Variants in CBLN2 observed in about 807,000 individuals in gnomAD.
The protein encoded by CBLN2 is cerebellin-2.
CBLN2 carries 7 observed loss-of-function variants against 15.0 expected under a neutral mutation model. That is an observed-to-expected ratio of 0.47 (90% CI 0.27 to 0.88). The LOEUF is 0.88. Ranked by LOEUF, CBLN2 falls within the 40% of genes least tolerant of loss-of-function variation. CBLN2 has a pLI of 0.14. For missense variants in CBLN2, 242 were observed against 304.5 expected (o/e 0.79, Z 1.53); for synonymous variants, 149 against 135.2 (o/e 1.10, Z -0.71).
chr18:72,586,947 G>GAT (rs751957062), intron 1 of CBLN2, among the ~76,000 whole-genome samples: 1,956 of 150,486 alleles, frequency 0.013, 17 homozygotes, highest in East Asian at 0.02. Context: ...CTATAACTAT[G>GAT]ATATATATAT....
At chr18:72,548,757 G>A (rs377706254), upstream of CBLN2, among the ~76,000 whole-genome samples, 12 of 152,282 alleles carry the variant, frequency 7.9e-5, no homozygotes, top group African/African-American at 2.9e-4. Context: ...CCTTGTGCAC[G>A]CAGCATCTGT....
chr18:72,601,530 AG>A (rs2069548254), intron 1 of CBLN2, among the ~76,000 whole-genome samples: 2 of 152,260 alleles, frequency 1.3e-5, no homozygotes, highest in South Asian at 4.1e-4. Context: ...AAAGGAGTGG[AG>A]GCGCCTGTTA....
At chr18:72,539,932 T>C (rs1382603993) in intron 3 of CBLN2, 2 of 152,370 alleles carry the variant, frequency 1.3e-5, no homozygotes, top group Non-Finnish European at 2.9e-5. Context: ...ACACTCATTA[T>C]AGATGAATAA....
intron 1 of CBLN2, among the ~76,000 whole-genome samples, chr18:72,624,497 A>C (rs1320773039): frequency 1.3e-5 from 2 of 152,066 alleles, no homozygotes; most frequent in African/African-American, 4.8e-5. Flanking sequence ...AAAATTATCT[A>C]GGGGTGGTGG....
intron 1 of CBLN2, among the ~76,000 whole-genome samples, chr18:72,621,760 G>T (rs779338653): frequency 1.3e-5 from 2 of 152,168 alleles, no homozygotes; most frequent in African/African-American, 2.4e-5. Context: ...CTGTATCAGA[G>T]CCCTGCAAAA....
At chr18:72,573,703 T>C (rs536481603) in intron 1 of CBLN2, among the ~76,000 whole-genome samples, 3 of 152,214 alleles carry the variant, frequency 2.0e-5, no homozygotes, top group Non-Finnish European at 4.4e-5. Context: ...TACGGAAATA[T>C]CTTGGTTACC....
At chr18:72,576,277 T>C (rs898116490) in intron 1 of CBLN2, among the ~76,000 whole-genome samples, 4 of 152,180 alleles carry the variant, frequency 2.6e-5, no homozygotes, top group African/African-American at 4.8e-5. Context: ...AGAAGAGTTA[T>C]GAAGTAAGCA....
Position 72,600,427 on chromosome 18 carries a change from A to C in CBLN2, c.15+37898T>G, listed in dbSNP as rs141176572. Among the ~76,000 whole-genome samples, 191 of 152,328 alleles carry C rather than the reference A, an allele frequency of 1.3e-3. 2 individuals are homozygous for C. Among genetic ancestry groups the C allele is most frequent in the Admixed American group, 0.011 (162 of 15,302 alleles). On this transcript the variant is annotated intron_variant, in intron 1 of 2. Transcript: ENST00000581073. ...AGCTCTGCAAGGCACAGGAATAAAC[A>C]CTACGGGAATTTGGGTGTGAAAGAA...
intron 1 of CBLN2, among the ~76,000 whole-genome samples, chr18:72,609,897 C>T (rs1282128563): frequency 2.0e-5 from 3 of 152,186 alleles, no homozygotes; most frequent in Non-Finnish European, 4.4e-5. Flanking sequence ...CTGCTTTGCT[C>T]ACAGCTGTCA....
At chr18:72,618,460 T>C in intron 1 of CBLN2, 2 of 658,882 alleles carry the variant, frequency 3.0e-6, no homozygotes, top group Non-Finnish European at 2.9e-6. Context: ...TGCACCACTG[T>C]GGAGGAGGTG....
At chr18:72,577,896 T>C (rs2069378477) in intron 1 of CBLN2, among the ~76,000 whole-genome samples, 2 of 152,150 alleles carry the variant, frequency 1.3e-5, no homozygotes, top group Non-Finnish European at 2.9e-5. Flanking sequence ...GAATAAAGCA[T>C]AATAAGACCA....
At chr18:72,611,413 T>G (rs77205117) in intron 1 of CBLN2, among the ~76,000 whole-genome samples, 1 of 152,188 alleles carries the variant, frequency 6.6e-6, no homozygotes, top group East Asian at 1.9e-4. Flanking sequence ...GTACTTTTCT[T>G]TTTTTGACTT....
In CBLN2 at chr18:72,537,690, C is replaced by T. The variant is rs2069075461; in HGVS notation, c.*486G>A. ...GGAAGAATACAGAATGAAAGTGAAG[C>T]CATTCTTTTTCTTAAGGCTATACAG... On this transcript the variant is annotated 3_prime_UTR_variant, in exon 5 of 5. Coordinates refer to ENST00000269503, the MANE Select transcript of CBLN2 (RefSeq NM_182511.4). 1 of 157,088 alleles carries T rather than the reference C, an allele frequency of 6.4e-6. No homozygotes were observed. The highest frequency in any genetic ancestry group is 1.4e-5 in the Non-Finnish European group (1 of 71,060). 9.7% of individuals were successfully genotyped at this position (157,088 alleles called of 1,614,324 possible).
At chr18:72,604,370 T>G (rs1017166052) in intron 1 of CBLN2, among the ~76,000 whole-genome samples, 1 of 152,224 alleles carries the variant, frequency 6.6e-6, no homozygotes, top group African/African-American at 2.4e-5. Flanking sequence ...TTCTAAGAAA[T>G]CACTGTTTTT....
intron 1 of CBLN2, among the ~76,000 whole-genome samples, chr18:72,583,963 T>G (rs1436030758): frequency 1.3e-5 from 2 of 152,240 alleles, no homozygotes; most frequent in Non-Finnish European, 2.9e-5. Flanking sequence ...GAATACATTT[T>G]CTTTTTTTCT....
intron 1 of CBLN2, among the ~76,000 whole-genome samples, chr18:72,595,131 T>C (rs558074401): frequency 6.6e-6 from 1 of 152,154 alleles, no homozygotes; most frequent in East Asian, 1.9e-4. Flanking sequence ...AGGTTATTTA[T>C]TTGAAGTTTA....
chr18:72,547,689 A>T (rs967160714), upstream of CBLN2, among the ~76,000 whole-genome samples: 3 of 152,152 alleles, frequency 2.0e-5, no homozygotes, highest in African/African-American at 7.2e-5. Context: ...GGAATTTCAG[A>T]AAAAAGAAAA....
chr18:72,620,098 C>G (rs769045983), intron 1 of CBLN2: 1 of 152,392 alleles, frequency 6.6e-6, no homozygotes, highest in Non-Finnish European at 1.5e-5. Context: ...TGGGGCTGTT[C>G]AACTCTGAAG....
intron 1 of CBLN2, among the ~76,000 whole-genome samples, chr18:72,602,659 C>G (rs1568128934): frequency 6.6e-6 from 1 of 152,138 alleles, no homozygotes; most frequent in East Asian, 1.9e-4. Flanking sequence ...TGAGATTTTC[C>G]TAGATAATCT....
Sources: allele counts gnomAD v4.1 joint callset (sites outside exome capture counted in the v4.1 genomes callset), GRCh38; gene constraint gnomAD v4.1.1; transcripts MANE v1.5; gene names NCBI Gene and HGNC (gene_info 2026-07-23, HGNC 2026-07-21).